Variants in MDGA2 observed in about 807,000 individuals in gnomAD.
The protein encoded by MDGA2 is MAM domain containing glycosylphosphatidylinositol anchor 2.
MDGA2 carries 40 observed loss-of-function variants against 117.8 expected under a neutral mutation model. The observed-to-expected ratio is 0.34, with a 90% CI of 0.26 to 0.44. MDGA2 has a LOEUF of 0.44. Among genes scored for constraint, MDGA2 ranks in the 20% least tolerant of loss-of-function variants. The probability of loss-of-function intolerance (pLI) is 1.00; values close to 1 mark genes in which losing one functional copy is unlikely to be tolerated. For missense variants in MDGA2, 1,123 were observed against 1,250.6 expected (o/e 0.90, Z 1.54); for synonymous variants, 452 against 439.0 (o/e 1.03, Z -0.37).
At chr14:47,103,712 G>A (rs1420233521) in intron 5 of MDGA2, among the ~76,000 whole-genome samples, 1 of 152,202 alleles carries the variant, frequency 6.6e-6, no homozygotes. Context: ...CTTTTAGGAA[G>A]AGATGCGATT....
Position 46,901,834 on chromosome 14 carries a change from G to A in MDGA2, c.2238+18178C>T, listed in dbSNP as rs553482988. Among the ~76,000 whole-genome samples, 9 of 152,286 alleles carry A rather than the reference G, an allele frequency of 5.9e-5. 1 individual carries two copies. The highest frequency in any genetic ancestry group is 1.9e-4 in the African/African-American group (8 of 41,578). On this transcript the variant is annotated intron_variant, in intron 10 of 16. Transcript: ENST00000399232. ...TTCTCTGAACCACATTGGCATGGCAGTCTTAACTGAGAGCTATGTCCAAGT... is the reference window on the plus strand; with the variant it reads ...TTCTCTGAACCACATTGGCATGGCAATCTTAACTGAGAGCTATGTCCAAGT...
intron 1 of MDGA2, among the ~76,000 whole-genome samples, chr14:47,457,328 G>C (rs978244731): frequency 6.6e-6 from 1 of 152,148 alleles, no homozygotes; most frequent in African/African-American, 2.4e-5. Context: ...TATACTGCTT[G>C]AGAGCATGCA....
rs67255552 is a variant in MDGA2, at chr14:47,370,468, G to GTTTTTTTTTTTTTTTTTTTTTTT, written c.281-68941_281-68919dup. The stretch of plus-strand genomic sequence containing the variant: ...TTACTATTTTCTAGGTCTACTTACT[G>GTTTTTTTTTTTTTTTTTTTTTTT]TTTTTTTTTTTTTTTTTTTTTTTTT... On this transcript the variant is annotated intron_variant, in intron 1 of 16. Transcript: ENST00000399232. Among the ~76,000 whole-genome samples the GTTTTTTTTTTTTTTTTTTTTTTT allele has an allele frequency of 2.4e-4, 5 of 20,684 alleles. 2 individuals carry two copies. Among genetic ancestry groups the GTTTTTTTTTTTTTTTTTTTTTTT allele is most frequent in the Non-Finnish European group, 4.0e-4 (4 of 9,988 alleles). 13.6% of individuals were successfully genotyped at this position (20,684 alleles called of 152,430 possible).
At chr14:47,650,779 AC>A (rs1343543680) in intron 1 of MDGA2, among the ~76,000 whole-genome samples, 2 of 152,200 alleles carry the variant, frequency 1.3e-5, no homozygotes, top group African/African-American at 2.4e-5. Context: ...GCACAAAAAA[AC>A]AATGTGGAAT....
chr14:47,465,162 C>T (rs1228617230), intron 1 of MDGA2, among the ~76,000 whole-genome samples: 1 of 152,008 alleles, frequency 6.6e-6, no homozygotes, highest in African/African-American at 2.4e-5. Context: ...CATCCTTATA[C>T]CATACAGGAA....
intron 2 of MDGA2, among the ~76,000 whole-genome samples, chr14:47,286,797 A>G (rs1888687028): frequency 1.1e-5 from 1 of 90,134 alleles, no homozygotes; most frequent in Admixed American, 1.5e-4. Flanking sequence ...TATCTCAGGC[A>G]TATCATTATA....
At chr14:47,386,988 A>G (rs1891775106) in intron 1 of MDGA2, among the ~76,000 whole-genome samples, 1 of 152,216 alleles carries the variant, frequency 6.6e-6, no homozygotes, top group Non-Finnish European at 1.5e-5. Flanking sequence ...TACATATTCA[A>G]CAAATGGCAG....
chr14:46,908,189 A>G (rs1156823362), intron 10 of MDGA2, among the ~76,000 whole-genome samples: 3 of 152,154 alleles, frequency 2.0e-5, no homozygotes, highest in East Asian at 1.9e-4. Context: ...TTCAGAAGCT[A>G]AAAATGTAAA....
At position 46,841,775 on chromosome 14, in the gene MDGA2, C is replaced by T. The variant is rs1880621866; in HGVS notation, c.*156G>A. The T allele has an allele frequency of 5.9e-6, 3 of 507,810 alleles. No homozygotes were observed. Among genetic ancestry groups the T allele is most frequent in the East Asian group, 3.1e-5 (1 of 32,120 alleles). 31.5% of individuals were successfully genotyped at this position (507,810 alleles called of 1,614,324 possible). On this transcript the variant is annotated 3_prime_UTR_variant, in exon 17 of 17. Coordinates refer to ENST00000399232, the MANE Select transcript of MDGA2 (RefSeq NM_001113498.3). Reference sequence around the variant, plus strand: ...TATACTTCCATGATGTCTTTTTATCCCCAGTGCTTAAAAAAATTTGTTTTT... The same window carrying T: ...TATACTTCCATGATGTCTTTTTATCTCCAGTGCTTAAAAAAATTTGTTTTT...
chr14:47,236,136 C>T (rs1396827583), intron 2 of MDGA2, among the ~76,000 whole-genome samples: 1 of 151,786 alleles, frequency 6.6e-6, no homozygotes, highest in Non-Finnish European at 1.5e-5. Context: ...ACTAAAAATA[C>T]AAAAATTAGC....
intron 1 of MDGA2, among the ~76,000 whole-genome samples, chr14:47,511,446 A>T (rs1054958634): frequency 3.3e-5 from 5 of 152,308 alleles, no homozygotes; most frequent in Admixed American, 6.5e-5. Flanking sequence ...TTAAATAAAC[A>T]TTTAAAATTA....
chr14:47,569,917 T>A (rs1895987841), intron 1 of MDGA2, among the ~76,000 whole-genome samples: 2 of 152,224 alleles, frequency 1.3e-5, no homozygotes, highest in Admixed American at 6.5e-5. Context: ...CTTTTAAAGA[T>A]CTATGGTTAC....
intron 1 of MDGA2, among the ~76,000 whole-genome samples, chr14:47,381,201 G>C (rs2138417191): frequency 6.6e-6 from 1 of 152,202 alleles, no homozygotes; most frequent in South Asian, 2.1e-4. Flanking sequence ...GGTATTGATG[G>C]GACATATCTC....
chr14:47,140,346 T>G (rs942488660), intron 4 of MDGA2, among the ~76,000 whole-genome samples: 1 of 152,024 alleles, frequency 6.6e-6, no homozygotes, highest in Non-Finnish European at 1.5e-5. Context: ...AAAATTTCTA[T>G]GAAACCACAA....
intron 3 of MDGA2, among the ~76,000 whole-genome samples, chr14:47,191,710 C>T (rs772732959): frequency 6.6e-6 from 1 of 152,000 alleles, no homozygotes; most frequent in African/African-American, 2.4e-5. Flanking sequence ...ATTTTTTCAT[C>T]GGCTGGCCAA....
At chr14:47,568,847 G>C (rs1467616224) in intron 1 of MDGA2, among the ~76,000 whole-genome samples, 1 of 151,434 alleles carries the variant, frequency 6.6e-6, no homozygotes, top group Non-Finnish European at 1.5e-5. Context: ...TTTTTTTTAA[G>C]TTTGCACTGA....
At chr14:47,268,875 C>T (rs1888053313) in intron 2 of MDGA2, among the ~76,000 whole-genome samples, 1 of 152,100 alleles carries the variant, frequency 6.6e-6, no homozygotes, top group African/African-American at 2.4e-5. Context: ...TAAATGCTGC[C>T]ATATGCAATA....
intron 3 of MDGA2, among the ~76,000 whole-genome samples, chr14:47,215,648 T>A (rs1191726692): frequency 6.6e-6 from 1 of 152,128 alleles, no homozygotes; most frequent in Non-Finnish European, 1.5e-5. Context: ...TAAATATATG[T>A]TTACATCCGC....
At chr14:47,631,582 G>C (rs904604031) in intron 1 of MDGA2, among the ~76,000 whole-genome samples, 23 of 152,146 alleles carry the variant, frequency 1.5e-4, no homozygotes, top group African/African-American at 5.3e-4. Context: ...TGTTAGCCTG[G>C]TTTCTACCTC....
Sources: gnomAD v4.1 joint callset for allele counts (sites outside exome capture counted in the v4.1 genomes callset) on GRCh38, gnomAD v4.1.1 for gene constraint, MANE v1.5 for transcripts, NCBI Gene and HGNC (gene_info 2026-07-23, HGNC 2026-07-21) for gene names.